The following GALNT8 variants were observed in gnomAD, a reference collection of about 807,000 sequenced individuals.
GALNT8 encodes the protein probable polypeptide N-acetylgalactosaminyltransferase 8.
GALNT8 carries 66 observed loss-of-function variants against 62.7 expected under a neutral mutation model. That is an observed-to-expected ratio of 1.05 (90% CI 0.86 to 1.29). GALNT8 has a LOEUF of 1.29. Ranked by LOEUF, GALNT8 falls within the 50% of genes most tolerant of loss-of-function variation. The probability of loss-of-function intolerance (pLI) is 0.00; values close to 1 mark genes in which losing one functional copy is unlikely to be tolerated. For synonymous variants in GALNT8, 288 were observed against 294.3 expected, an observed-to-expected ratio of 0.98 and a Z score of 0.22; for missense variants, 771 against 791.8, an observed-to-expected ratio of 0.97 and a Z score of 0.32.
chr12:4,758,639 A>AGAGAG (rs1159283486), intron 6 of GALNT8, among the ~76,000 whole-genome samples: 19 of 50,322 alleles, frequency 3.8e-4, no homozygotes, highest in African/African-American at 1.1e-3. Flanking sequence ...TGTGTGTGTG[A>AGAGAG]GAGAGAGAGA....
chr12:4,745,764 T>G (rs1946296100), intron 5 of GALNT8, 138 bp downstream of exon 5: 7 of 667,806 alleles, frequency 1.0e-5, no homozygotes, highest in Admixed American at 6.9e-5. Flanking sequence ...GGACAAGGGA[T>G]AGAGGGAAAA....
Position 4,772,669 on chromosome 12 carries a change from C to A in GALNT8, c.*72C>A. On this transcript the variant is annotated 3_prime_UTR_variant, in exon 11 of 11. Transcript: ENST00000252318. ...TGGCTTCTACTCCTAACACTCCCAG[C>A]TTCTTTCTCAATGAGAAAGAAAGCA... 8.4e-7 allele frequency: 1 copy of A among 1,192,116 alleles called. No homozygotes were observed. Among genetic ancestry groups the A allele is most frequent in the Non-Finnish European group, 1.2e-6 (1 of 816,586 alleles). The allele number at this position is 1,192,116 out of a possible 1,614,324, so 73.8% of individuals were successfully genotyped here. A position where few individuals can be genotyped will look rare whatever the true frequency, so the allele number is the denominator to read the frequency against.
chr12:4,737,148 A>G (rs1946249133), intron 2 of GALNT8, among the ~76,000 whole-genome samples: 1 of 152,330 alleles, frequency 6.6e-6, no homozygotes, highest in South Asian at 2.1e-4. Flanking sequence ...TATCCTAACA[A>G]CAAGTAAAAA....
In GALNT8 at chr12:4,763,311, A is replaced by G. The variant is rs1434984904; in HGVS notation, c.1418A>G (p.Lys473Arg). 1 of 1,611,754 alleles carries G rather than the reference A, an allele frequency of 6.2e-7. No homozygotes were observed. The highest frequency in any genetic ancestry group is 1.3e-5 in the African/African-American group (1 of 74,884). The change falls in exon 8 of 11, where the codon AAA (lysine) becomes AGA (arginine). Residue 473 changes from lysine (K) to arginine (R), a missense_variant. Physicochemically the swap from Lys to Arg is conservative, Grantham distance 26. Transcript: ENST00000252318. Reference sequence around the variant, plus strand: ...AGAATGGCACTCCGGGAAAAACTGAAATGTAAAACTTTTGACTGGTACCTG... The same window carrying G: ...AGAATGGCACTCCGGGAAAAACTGAGATGTAAAACTTTTGACTGGTACCTG... ...SSRMALREKL[K>R]CKTFDWYLKN...
At chr12:4,769,270 T>A (rs1343595044) in intron 10 of GALNT8, among the ~76,000 whole-genome samples, 2 of 152,056 alleles carry the variant, frequency 1.3e-5, no homozygotes, top group Non-Finnish European at 1.5e-5. Flanking sequence ...GAGGGAGTGC[T>A]CCCACACACC....
At position 4,772,445 on chromosome 12, in the gene GALNT8, G is replaced by A. The variant is rs1479349490; in HGVS notation, c.1762G>A (p.Gly588Arg). The A allele has an allele frequency of 5.0e-6, 8 of 1,613,372 alleles. No individual in the cohort carries two copies. The highest frequency in any genetic ancestry group is 4.0e-5 in the African/African-American group (3 of 75,044). ...TGGCTCTGTCTCTCTTCCCCTCCAG[G>A]GAGGAGCTGTCATAAACAGAGATAC... ...RLHIYWDFKP[G>R]GAVINRDTKR... Residue 588 changes from glycine (G) to arginine (R), a missense_variant and splice_region_variant, in exon 11 of 11, where the codon GGA becomes AGA. Physicochemically the swap from Gly to Arg is moderately radical, Grantham distance 125 (BLOSUM62 -2). Coordinates refer to ENST00000252318, the MANE Select transcript of GALNT8 (RefSeq NM_017417.2).
chr12:4,745,555 G>C lies in GALNT8; in HGVS notation c.987G>C (p.Trp329Cys), dbSNP rs752700493. The C allele has an allele frequency of 5.0e-6, 8 of 1,613,754 alleles. No individual in the cohort carries two copies. Among genetic ancestry groups the C allele is most frequent in the Non-Finnish European group, 6.8e-6 (8 of 1,179,816 alleles). The change falls in exon 5 of 11, where the codon TGG becomes TGC. Residue 329 changes from tryptophan (W) to cysteine (C), a missense_variant. Transcript: ENST00000252318. Reference protein sequence around the residue: ...KYELAVDGFNWELWCRYDALP... With the variant: ...KYELAVDGFNCELWCRYDALP... ...AACTGGCAGTTGATGGGTTTAACTGGGAACTCTGGTGCCGCTACGATGCAC... is the reference window on the plus strand; with the variant it reads ...AACTGGCAGTTGATGGGTTTAACTGCGAACTCTGGTGCCGCTACGATGCAC...
chr12:4,729,868 C>T (rs1336673281), intron 2 of GALNT8, among the ~76,000 whole-genome samples: 2 of 152,078 alleles, frequency 1.3e-5, no homozygotes, highest in African/African-American at 4.8e-5. Context: ...TCTATTTTTT[C>T]CACATTATCG....
At chr12:4,745,055 A>G (rs1415518915) in intron 4 of GALNT8, among the ~76,000 whole-genome samples, 2 of 152,216 alleles carry the variant, frequency 1.3e-5, no homozygotes, top group Non-Finnish European at 2.9e-5. Flanking sequence ...TAAAATAAAG[A>G]GAACTATGTT....
At chr12:4,731,886 A>T (rs1156390733) in intron 2 of GALNT8, among the ~76,000 whole-genome samples, 1 of 152,196 alleles carries the variant, frequency 6.6e-6, no homozygotes, top group African/African-American at 2.4e-5. Context: ...TGCTGTGAAC[A>T]GGACCACCTG....
intron 2 of GALNT8, among the ~76,000 whole-genome samples, chr12:4,733,560 A>G (rs1170223656): frequency 6.6e-6 from 1 of 152,250 alleles, no homozygotes; most frequent in Non-Finnish European, 1.5e-5. Context: ...CAGAATTTTA[A>G]TCAGTCTTCC....
In GALNT8 at chr12:4,772,591, C is replaced by T; in HGVS notation, c.1908C>T (p.Ser636=). The T allele has an allele frequency of 6.2e-7, 1 of 1,612,518 alleles. No homozygotes were observed. The highest frequency in any genetic ancestry group is 8.5e-7 in the Non-Finnish European group (1 of 1,178,852). ...TCAGAGACTGGGGTCAGACCAACAG[C>T]CAGTGATCCTCAGATGGTGCTGGAT... ...HTVRDWGQTN[S]Q is the part of the protein sequence containing the mutation. Residue 636 remains serine, a synonymous_variant, in exon 11 of 11, where the codon AGC becomes AGT. Transcript: ENST00000252318.
At chr12:4,745,789 A>T (rs1946296302) in intron 5 of GALNT8, among the ~76,000 whole-genome samples, 163 bp downstream of exon 5, 1 of 152,176 alleles carries the variant, frequency 6.6e-6, no homozygotes, top group African/African-American at 2.4e-5. Context: ...CCAATAAGTT[A>T]TCCCAGTTAA....
chr12:4,725,068 TGTCA>T (rs770776398), intron 1 of GALNT8, among the ~76,000 whole-genome samples: 1 of 152,250 alleles, frequency 6.6e-6, no homozygotes, highest in Non-Finnish European at 1.5e-5. Flanking sequence ...CACGTGATCC[TGTCA>T]GTCTGGTTGA....
At chr12:4,748,809 A>G (rs951220901) in intron 6 of GALNT8, among the ~76,000 whole-genome samples, 4 of 152,086 alleles carry the variant, frequency 2.6e-5, no homozygotes, top group Non-Finnish European at 4.4e-5. Context: ...TTTGGGTAGT[A>G]TGGACATTTT....
At chr12:4,750,987 A>C (rs1946320271) in intron 6 of GALNT8, among the ~76,000 whole-genome samples, 3 of 152,184 alleles carry the variant, frequency 2.0e-5, no homozygotes, top group Admixed American at 6.5e-5. Context: ...ACCTGTAACT[A>C]TCTGATCTTC....
intron 2 of GALNT8, among the ~76,000 whole-genome samples, chr12:4,730,866 C>CTTTTT (rs1163742469): frequency 7.3e-5 from 10 of 137,310 alleles, no homozygotes; most frequent in Non-Finnish European, 1.3e-4. Context: ...TTTTTCTTTT[C>CTTTTT]TTTTTTTTTT....
intron 2 of GALNT8, among the ~76,000 whole-genome samples, chr12:4,736,951 A>G (rs886628930): frequency 1.8e-4 from 27 of 152,240 alleles, no homozygotes; most frequent in African/African-American, 6.5e-4. Flanking sequence ...AAAGTTAGCC[A>G]TGTCTAAAGC....
intron 3 of GALNT8, 76 bp from the exon 4 acceptor site, chr12:4,744,441 A>T: frequency 1.0e-6 from 1 of 995,240 alleles, no homozygotes; most frequent in Non-Finnish European, 1.5e-6. Flanking sequence ...AGCCACTAAT[A>T]TATGATAGTA....
Sources: gnomAD v4.1 joint callset for allele counts (sites outside exome capture counted in the v4.1 genomes callset) on GRCh38, gnomAD v4.1.1 for gene constraint, MANE v1.5 for transcripts, NCBI Gene and HGNC (gene_info 2026-07-23, HGNC 2026-07-21) for gene names.